PLCD1: variants seen among roughly 807,000 people sequenced by gnomAD.
PLCD1 encodes the protein phospholipase C delta 1.
PLCD1 carries 71 observed loss-of-function variants against 87.4 expected under a neutral mutation model. That is an observed-to-expected ratio of 0.81 (90% CI 0.67 to 0.99). The LOEUF is 0.99. Ranked by LOEUF, PLCD1 falls within the 50% of genes least tolerant of loss-of-function variation. The pLI is 0.00. For synonymous variants in PLCD1, 348 were observed against 399.2 expected (o/e 0.87, Z 1.53); for missense variants, 867 against 1,001.5 (o/e 0.87, Z 1.81).
chr3:38,008,036 G>A lies in PLCD1; in HGVS notation c.2163C>T (p.Ile721=). ...CACCTTGCTTGAGGCTGTTCAAGGG[G>A]ATGGTACTCTGGCCAATGAAGTCAT... ...SKNDFIGQST[I]PLNSLKQGYR... The change falls in exon 14 of 15, where the codon ATC becomes ATT. Residue 721 remains isoleucine, a synonymous_variant. Transcript: ENST00000334661. 6.2e-7 allele frequency: 1 copy of A among 1,614,226 alleles called. No homozygotes were observed. The highest frequency in any genetic ancestry group is 8.5e-7 in the Non-Finnish European group (1 of 1,180,044).
intron 3 of PLCD1, among the ~76,000 whole-genome samples, chr3:38,014,329 T>C (rs1291484215): frequency 6.6e-6 from 1 of 151,982 alleles, no homozygotes; most frequent in Admixed American, 6.6e-5. Flanking sequence ...CAAAACTTAC[T>C]ACAAAGTTAC....
At chr3:38,008,966 C>G in intron 11 of PLCD1, 76 bp downstream of exon 11, 2 of 1,199,020 alleles carry the variant, frequency 1.7e-6, no homozygotes, top group East Asian at 4.7e-5. Context: ...CACTGCATGG[C>G]CTTCGAGGCT....
At chr3:38,022,370 G>A (rs1301431733) in intron 1 of PLCD1, among the ~76,000 whole-genome samples, 1 of 152,194 alleles carries the variant, frequency 6.6e-6, no homozygotes. Context: ...GGCCTCCGGC[G>A]GGGAATTCCA....
rs1357865087 is a variant in PLCD1, at chr3:38,016,811, C to T, written c.200-92G>A. On this transcript the variant is annotated intron_variant, in intron 2 of 14. Transcript: ENST00000334661. ...TGGCCAAGGCCACAGTAGAGAGGGG[C>T]ATGGCTTGGAGACACAGAGCCAGGG... is the stretch of plus-strand genomic sequence containing the variant. 26 of 920,150 alleles carry T rather than the reference C, an allele frequency of 2.8e-5. No individual in the cohort carries two copies. In the East Asian group the frequency reaches 6.8e-4, roughly 24 times the overall value. The allele number at this position is 920,150 out of a possible 1,614,324, so 57.0% of individuals were successfully genotyped here. A position where few individuals can be genotyped will look rare whatever the true frequency, so the allele number is the denominator to read the frequency against.
chr3:38,024,682 T>G lies in PLCD1; in HGVS notation c.35-4330A>C, dbSNP rs1282728552. The stretch of plus-strand genomic sequence containing the variant: ...GTCAGACGCTAGGAGGCGGAGCTAG[T>G]CCACGAGCGGCGGGACCTATGCCCC... On this transcript the variant is annotated intron_variant, in intron 1 of 14. Coordinates refer to ENST00000334661, the MANE Select transcript of PLCD1 (RefSeq NM_006225.4). The G allele has an allele frequency of 2.7e-6, 4 of 1,501,176 alleles. No individual in the cohort carries two copies. In the Admixed American group the frequency reaches 8.1e-5, roughly 30 times the overall value. 93.0% of individuals were successfully genotyped at this position (1,501,176 alleles called of 1,614,324 possible). A position where few individuals can be genotyped will look rare whatever the true frequency, so the allele number is the denominator to read the frequency against.
In PLCD1 at chr3:38,007,740, C is replaced by T. The variant is rs1398026562; in HGVS notation, c.*33G>A. ...CCACATGTGGACAGAGGGCCCAGCC[C>T]ACTCAGGGGGGACCCCACTGGCTTC... is the stretch of plus-strand genomic sequence containing the variant. On this transcript the variant is annotated 3_prime_UTR_variant, in exon 15 of 15. Transcript: ENST00000334661. The T allele has an allele frequency of 2.0e-6, 3 of 1,519,368 alleles. No individual in the cohort carries two copies. Among genetic ancestry groups the T allele is most frequent in the African/African-American group, 2.7e-5 (2 of 72,998 alleles). The allele number at this position is 1,519,368 out of a possible 1,614,324, so 94.1% of individuals were successfully genotyped here.
At chr3:38,011,160 C>CTG in intron 5 of PLCD1, 54 bp downstream of exon 5, 1 of 1,429,056 alleles carries the variant, frequency 7.0e-7, no homozygotes, top group Non-Finnish European at 9.7e-7. Flanking sequence ...CAGGGGTCTC[C>CTG]CAGCCCAGTG....
Position 38,009,971 on chromosome 3 carries a change from G to C in PLCD1, c.1220C>G (p.Ala407Gly). ...QQRVMARHLH[A>G]ILGPMLLNRP... is the part of the protein sequence containing the mutation. ...GTTCAACAGCATGGGGCCCAGGATG[G>C]CATGCAGGTGCCGCGCCATCACGCG... Residue 407 changes from alanine to glycine, a missense_variant, in exon 8 of 15, where the codon GCC (alanine) becomes GGC (glycine). Physicochemically the swap from Ala to Gly is moderately conservative, Grantham distance 60 (BLOSUM62 0). Transcript: ENST00000334661. The C allele has an allele frequency of 6.2e-7, 1 of 1,613,924 alleles. No individual in the cohort carries two copies. The highest frequency in any genetic ancestry group is 1.1e-5 in the South Asian group (1 of 91,076).
At position 38,010,904 on chromosome 3, in the gene PLCD1, T is replaced by TA. The variant is rs144107999; in HGVS notation, c.790+309dup. Among the ~76,000 whole-genome samples, 6,145 of 147,482 alleles carry TA rather than the reference T, an allele frequency of 0.042. 135 individuals are homozygous for TA. Among genetic ancestry groups the TA allele is most frequent in the Non-Finnish European group, 0.055 (3,684 of 66,534 alleles). On this transcript the variant is annotated intron_variant, in intron 5 of 14. Coordinates refer to ENST00000334661, the MANE Select transcript of PLCD1 (RefSeq NM_006225.4). ...ATCTCAAAGCTGGGCCAAGAATGAGTAAAAAAAAAAGAAGCAGGAGTAGCA... is the reference window on the plus strand; with the variant it reads ...ATCTCAAAGCTGGGCCAAGAATGAGTAAAAAAAAAAAGAAGCAGGAGTAGCA...
chr3:38,011,946 A>C (rs1293025015), intron 3 of PLCD1, among the ~76,000 whole-genome samples: 4 of 152,210 alleles, frequency 2.6e-5, no homozygotes, highest in Non-Finnish European at 5.9e-5. Flanking sequence ...CAGAAAAGTA[A>C]ACAATCAAAC....
chr3:38,010,074 T>C (rs1379786080), intron 7 of PLCD1, 21 bp from the exon 8 acceptor site: 1 of 1,614,134 alleles, frequency 6.2e-7, no homozygotes, highest in Non-Finnish European at 8.5e-7. Context: ...AAGGGCACAT[T>C]AGGAGTGGTG....
At position 38,010,045 on chromosome 3, in the gene PLCD1, G is replaced by A. The variant is rs377129531; in HGVS notation, c.1146C>T (p.Pro382=). Residue 382 remains proline, a synonymous_variant, in exon 8 of 15, where the codon CCC becomes CCT. Coordinates refer to ENST00000334661, the MANE Select transcript of PLCD1 (RefSeq NM_006225.4). The part of the protein sequence containing the change: ...AIRDYAFKAS[P]YPVILSLENH... ...TCTCCAGGGATAGGATGACAGGGTAGGGGGACGCCTGGAGGCCCAAGGGCA... is the reference window on the plus strand; with the variant it reads ...TCTCCAGGGATAGGATGACAGGGTAAGGGGACGCCTGGAGGCCCAAGGGCA... 98 of 1,614,076 alleles carry A rather than the reference G, an allele frequency of 6.1e-5. No homozygotes were observed. The highest frequency in any genetic ancestry group is 3.3e-4 in the Admixed American group (20 of 60,008).
intron 2 of PLCD1, among the ~76,000 whole-genome samples, chr3:38,019,456 C>G (rs933652435): frequency 2.0e-5 from 3 of 152,098 alleles, no homozygotes; most frequent in Admixed American, 6.5e-5. Context: ...TGTACAGCAT[C>G]GGTCTAAAAT....
In PLCD1 at chr3:38,017,861, T is replaced by C. The variant is rs978892422; in HGVS notation, c.200-1142A>G. The stretch of plus-strand genomic sequence containing the variant: ...AGTGGGACACATGAGCCCAGGGCCA[T>C]GTGGGGGACAGAGGATAGCACGGCT... On this transcript the variant is annotated intron_variant, in intron 2 of 14. Transcript: ENST00000334661. This position sits in a 1 kb window ranked among gnomAD's most constrained non-coding sequence, Gnocchi z 4.7. 2.0e-5 allele frequency among the ~76,000 whole-genome samples: 3 copies of C among 152,154 alleles called. No homozygotes were observed. The highest frequency in any genetic ancestry group is 4.8e-5 in the African/African-American group (2 of 41,436).
chr3:38,009,475 T>C lies in PLCD1; in HGVS notation c.1447-44A>G, dbSNP rs771528351. On this transcript the variant is annotated intron_variant, in intron 9 of 14. Coordinates refer to ENST00000334661, the MANE Select transcript of PLCD1 (RefSeq NM_006225.4). ...CCCGGGTTAGATTCAGTGGTTGGGG[T>C]AGGGTAGGCACTGAGAAAGCCAGAA... 5.6e-6 allele frequency: 9 copies of C among 1,608,674 alleles called. 1 individual carries two copies. Among genetic ancestry groups the C allele is most frequent in the Non-Finnish European group, 7.7e-6 (9 of 1,175,476 alleles).
Position 38,010,473 on chromosome 3 carries a change from C to CA in PLCD1, c.879dup (p.Val294CysfsTer10), listed in dbSNP as rs1700054382. The CA allele has an allele frequency of 1.2e-6, 2 of 1,614,058 alleles. No individual in the cohort carries two copies. Among genetic ancestry groups the CA allele is most frequent in the Non-Finnish European group, 1.7e-6 (2 of 1,180,020 alleles). On this transcript the variant is annotated frameshift_variant, in exon 6 of 15. Coordinates refer to ENST00000334661, the MANE Select transcript of PLCD1 (RefSeq NM_006225.4). LOFTEE classifies it high-confidence loss of function. ...AGTGGCTGGCCCATGTCCTGGTAGA[C>CA]ACGGCGGTGTGCCAGGCTGAAGGCG...
intron 2 of PLCD1, 74 bp from the exon 3 acceptor site, chr3:38,016,793 G>C: frequency 9.5e-7 from 1 of 1,056,126 alleles, no homozygotes; most frequent in Non-Finnish European, 1.4e-6. Flanking sequence ...ACATGGCCAA[G>C]GCCACAGTAG....
chr3:38,029,009 C>T (rs1700335330), intron 1 of PLCD1, among the ~76,000 whole-genome samples: 1 of 152,270 alleles, frequency 6.6e-6, no homozygotes, highest in Admixed American at 6.5e-5. Context: ...CACGGTTAAC[C>T]TTGCACACCT....
intron 1 of PLCD1, among the ~76,000 whole-genome samples, chr3:38,028,596 C>G (rs938252371): frequency 1.3e-5 from 2 of 152,198 alleles, no homozygotes; most frequent in African/African-American, 2.4e-5. Flanking sequence ...GAGGGATATA[C>G]AGTAAAGCAG....
Sources: gnomAD v4.1 joint callset for allele counts (sites outside exome capture counted in the v4.1 genomes callset) on GRCh38, gnomAD v4.1.1 for gene constraint, Gnocchi (gnomAD v3.1) non-coding constraint, MANE v1.5 for transcripts, NCBI Gene and HGNC (gene_info 2026-07-23, HGNC 2026-07-21) for gene names.